Variants in UBASH3A observed in about 807,000 individuals in gnomAD.
UBASH3A encodes ubiquitin associated and SH3 domain containing A, also known as ubiquitin-associated and SH3 domain-containing protein A.
A neutral mutation model predicts 73.5 loss-of-function variants in UBASH3A; 63 were observed. The observed-to-expected ratio is 0.86, with a 90% CI of 0.70 to 1.06. The LOEUF (loss-of-function observed/expected upper bound fraction) is 1.06. Among genes scored for constraint, UBASH3A ranks in the 50% least tolerant of loss-of-function variants. The probability of loss-of-function intolerance (pLI) is 0.00; values close to 1 mark genes in which losing one functional copy is unlikely to be tolerated. For missense variants in UBASH3A, 860 were observed against 859.0 expected, an observed-to-expected ratio of 1.00 and a Z score of -0.02; for synonymous variants, 363 against 351.1, an observed-to-expected ratio of 1.03 and a Z score of -0.38.
intron 9 of UBASH3A, among the ~76,000 whole-genome samples, chr21:42,433,323 A>T (rs1191613069): frequency 6.6e-6 from 1 of 152,182 alleles, no homozygotes; most frequent in Non-Finnish European, 1.5e-5. Flanking sequence ...GTCCTCCCCC[A>T]AGGTGACCAA....
chr21:42,439,708 CA>C (rs2053695957), intron 11 of UBASH3A, among the ~76,000 whole-genome samples: 1 of 107,120 alleles, frequency 9.3e-6, no homozygotes, highest in South Asian at 2.8e-4. Flanking sequence ...CACCCACACA[CA>C]CACCATGCAC....
chr21:42,432,903 C>T (rs2053560685), intron 9 of UBASH3A, among the ~76,000 whole-genome samples: 2 of 152,188 alleles, frequency 1.3e-5, no homozygotes, highest in South Asian at 4.1e-4. Context: ...AGTAAAGATA[C>T]AAGAGCTTAA....
At chr21:42,415,584 T>C (rs2053185024) in intron 5 of UBASH3A, among the ~76,000 whole-genome samples, 1 of 152,202 alleles carries the variant, frequency 6.6e-6, no homozygotes, top group African/African-American at 2.4e-5. Flanking sequence ...AGGGTACGTC[T>C]GTGCACCGAC....
chr21:42,430,459 G>T (rs1449932797), intron 8 of UBASH3A, among the ~76,000 whole-genome samples: 2 of 152,168 alleles, frequency 1.3e-5, no homozygotes, highest in African/African-American at 4.8e-5. Context: ...CTGCTCAGTA[G>T]GAAAACACAC....
intron 7 of UBASH3A, among the ~76,000 whole-genome samples, chr21:42,420,772 T>A (rs1242534708): frequency 4.0e-5 from 6 of 151,684 alleles, no homozygotes; most frequent in South Asian, 2.1e-4. Flanking sequence ...CCTAAGTTTT[T>A]AAAAAAAAAT....
intron 13 of UBASH3A, among the ~76,000 whole-genome samples, chr21:42,444,131 G>C (rs1256345369): frequency 3.3e-5 from 5 of 152,206 alleles, no homozygotes; most frequent in Non-Finnish European, 1.5e-5. Context: ...GTGGTCTCCA[G>C]GTGTTCTTAT....
chr21:42,411,952 G>A (rs1487459538), intron 3 of UBASH3A, among the ~76,000 whole-genome samples: 1 of 152,178 alleles, frequency 6.6e-6, no homozygotes, highest in Non-Finnish European at 1.5e-5. Flanking sequence ...CTGTCCATGG[G>A]GAGACGGAAG....
At position 42,418,543 on chromosome 21, in the gene UBASH3A, GC is replaced by G. The variant is rs752802386; in HGVS notation, c.982del (p.Arg328GlyfsTer19). 6.2e-7 allele frequency: 1 copy of G among 1,614,182 alleles called. No individual in the cohort carries two copies. Among genetic ancestry groups the G allele is most frequent in the East Asian group, 2.2e-5 (1 of 44,878 alleles). On this transcript the variant is annotated frameshift_variant, in exon 7 of 15. Coordinates refer to ENST00000319294, the MANE Select transcript of UBASH3A (RefSeq NM_018961.4). LOFTEE classifies it high-confidence loss of function. The stretch of plus-strand genomic sequence containing the variant: ...ATTGGGATCTCACAGCGGACGGGCT[GC>G]CGGGGCTTCCTGCCGGAAAACTACA... The part of the protein sequence containing the change: ...WVIGISQRTG[C>X]RGFLPENYTD...
intron 7 of UBASH3A, 102 bp from the exon 8 acceptor site, chr21:42,426,595 T>C (rs1210915908): frequency 7.2e-7 from 1 of 1,384,640 alleles, no homozygotes; most frequent in Non-Finnish European, 9.9e-7. Context: ...TCTGCTGAGG[T>C]TGTCCCGGAC....
intron 11 of UBASH3A, 80 bp downstream of exon 11, chr21:42,437,660 G>A (rs1394350787): frequency 2.3e-6 from 3 of 1,296,804 alleles, no homozygotes; most frequent in Non-Finnish European, 3.3e-6. Flanking sequence ...AGGGAGTGGA[G>A]GTGGAATTGG....
At chr21:42,428,120 C>T (rs115144857) in intron 8 of UBASH3A, among the ~76,000 whole-genome samples, 5,476 of 152,220 alleles carry the variant, frequency 0.036, 113 homozygotes, top group African/African-American at 0.044. Context: ...GGGACACCAC[C>T]GGCAAGCCCC....
rs928556359 is a variant in UBASH3A at position 42,446,911 on chromosome 21, T to C, written c.1849-146T>C. 5 of 834,124 alleles carry C rather than the reference T, an allele frequency of 6.0e-6. No homozygotes were observed. The African/African-American group carries it at 8.6e-5, about 14-fold the overall frequency. The allele number at this position is 834,124 out of a possible 1,614,324, so 51.7% of individuals were successfully genotyped here. A position where few individuals can be genotyped will look rare whatever the true frequency, so the allele number is the denominator to read the frequency against. On this transcript the variant is annotated intron_variant, in intron 14 of 14. Transcript: ENST00000319294. Reference sequence around the variant, plus strand: ...CACGGGGCACCGCCAGGGCAGATGTTGGTGCCATTCAATGGTGGCAGTGCC... The same window carrying C: ...CACGGGGCACCGCCAGGGCAGATGTCGGTGCCATTCAATGGTGGCAGTGCC...
At chr21:42,412,689 C>T (rs1054234297) in intron 3 of UBASH3A, among the ~76,000 whole-genome samples, 1 of 152,144 alleles carries the variant, frequency 6.6e-6, no homozygotes, top group Non-Finnish European at 1.5e-5. Context: ...CTGAGCAAAG[C>T]AGTGTGCCAT....
At chr21:42,415,923 G>A (rs530872187) in intron 5 of UBASH3A, among the ~76,000 whole-genome samples, 1 of 152,302 alleles carries the variant, frequency 6.6e-6, no homozygotes, top group Non-Finnish European at 1.5e-5. Context: ...GCAGGACCAG[G>A]GAGGGCTAGG....
intron 8 of UBASH3A, among the ~76,000 whole-genome samples, chr21:42,427,236 G>A (rs141961761): frequency 2.6e-5 from 4 of 152,174 alleles, no homozygotes; most frequent in Non-Finnish European, 5.9e-5. Context: ...AGGGCACCCC[G>A]AGCTGGCCAC....
chr21:42,422,266 C>T (rs751029199), intron 7 of UBASH3A, among the ~76,000 whole-genome samples: 3 of 152,192 alleles, frequency 2.0e-5, no homozygotes, highest in Non-Finnish European at 4.4e-5. Flanking sequence ...GCCGTAGTCA[C>T]ACGTCTTTAT....
intron 2 of UBASH3A, 64 bp downstream of exon 2, chr21:42,406,425 C>T (rs373854671): frequency 2.9e-6 from 4 of 1,387,824 alleles, no homozygotes; most frequent in Non-Finnish European, 4.1e-6. Flanking sequence ...CCTAAGGACT[C>T]CCTCCCACCA....
chr21:42,434,692 G>A (rs981009238), intron 9 of UBASH3A, 140 bp from the exon 10 acceptor site: 1 of 957,282 alleles, frequency 1.0e-6, no homozygotes, highest in Non-Finnish European at 1.5e-6. Context: ...ACGTTGCAGA[G>A]AATGTTCAGA....
chr21:42,446,530 A>C (rs2053846438), intron 14 of UBASH3A, among the ~76,000 whole-genome samples: 1 of 152,264 alleles, frequency 6.6e-6, no homozygotes, highest in Admixed American at 6.5e-5. Context: ...AAAGAAAAGA[A>C]AAGACAAAAA....
Sources: allele counts gnomAD v4.1 joint callset (sites outside exome capture counted in the v4.1 genomes callset), GRCh38; gene constraint gnomAD v4.1.1; transcripts MANE v1.5; gene names NCBI Gene and HGNC (gene_info 2026-07-23, HGNC 2026-07-21).